The following MDGA2 variants were observed in gnomAD, a reference collection of about 807,000 sequenced individuals.
MDGA2 encodes MAM domain-containing glycosylphosphatidylinositol anchor protein 2.
In MDGA2, 40 loss-of-function variants were observed where a neutral mutation model predicts 117.8. The observed-to-expected ratio is 0.34, with a 90% CI of 0.26 to 0.44. MDGA2 has a LOEUF of 0.44. Ranked by LOEUF, MDGA2 falls within the 20% of genes least tolerant of loss-of-function variation. The probability of loss-of-function intolerance (pLI) is 1.00; values close to 1 mark genes in which losing one functional copy is unlikely to be tolerated. For missense variants in MDGA2, 1,123 were observed against 1,250.6 expected, an observed-to-expected ratio of 0.90 and a Z score of 1.54; for synonymous variants, 452 against 439.0, an observed-to-expected ratio of 1.03 and a Z score of -0.37.
At chr14:46,873,321 G>T in intron 14 of MDGA2, 112 bp downstream of exon 14, 1 of 917,034 alleles carries the variant, frequency 1.1e-6, no homozygotes, top group Non-Finnish European at 1.5e-6. Flanking sequence ...CATTTAAAAA[G>T]TGAATTATAG....
chr14:47,191,437 T>C (rs1282385124), intron 3 of MDGA2, among the ~76,000 whole-genome samples: 1 of 147,142 alleles, frequency 6.8e-6, no homozygotes, highest in African/African-American at 2.5e-5. Flanking sequence ...TATATATATA[T>C]GAAAATTCTA....
intron 8 of MDGA2, among the ~76,000 whole-genome samples, chr14:46,984,473 T>C (rs961469764): frequency 1.3e-5 from 2 of 151,992 alleles, no homozygotes; most frequent in Non-Finnish European, 2.9e-5. Context: ...AATTAGAAAA[T>C]AGATGCTTTC....
At chr14:46,848,757 G>A (rs2933210) in intron 15 of MDGA2, among the ~76,000 whole-genome samples, 151,797 of 152,010 alleles carry the variant, frequency 1, 75,792 homozygotes, top group Middle Eastern at 1. Flanking sequence ...ATCAGGAAGC[G>A]GATTGACTAA....
rs1306048026 is a variant in MDGA2, at chr14:46,903,087, G to A, written c.2238+16925C>T. ...TGCTGTGGCCTGTTATTCAATCTGTGAGGTGGGAGCGCTGGCAGGAATCCT... is the reference window on the plus strand; with the variant it reads ...TGCTGTGGCCTGTTATTCAATCTGTAAGGTGGGAGCGCTGGCAGGAATCCT... On this transcript the variant is annotated intron_variant, in intron 10 of 16. Coordinates refer to ENST00000399232, the MANE Select transcript of MDGA2 (RefSeq NM_001113498.3). Among the ~76,000 whole-genome samples, 4 of 152,198 alleles carry A rather than the reference G, an allele frequency of 2.6e-5. 1 individual carries two copies. The highest frequency in any genetic ancestry group is 2.6e-4 in the Admixed American group (4 of 15,274).
At chr14:47,229,606 T>C (rs1886620653) in intron 2 of MDGA2, among the ~76,000 whole-genome samples, 4 of 151,230 alleles carry the variant, frequency 2.6e-5, no homozygotes, top group Non-Finnish European at 5.9e-5. Flanking sequence ...TAAAAGTAAC[T>C]AAAGAAATAA....
intron 9 of MDGA2, among the ~76,000 whole-genome samples, chr14:46,943,221 G>C (rs970529441): frequency 6.6e-6 from 1 of 151,924 alleles, no homozygotes; most frequent in African/African-American, 2.4e-5. Context: ...TTTTATGTCT[G>C]CTGTTTGAAT....
At chr14:47,176,014 A>G (rs1452160796) in intron 3 of MDGA2, among the ~76,000 whole-genome samples, 2 of 152,208 alleles carry the variant, frequency 1.3e-5, no homozygotes, top group Non-Finnish European at 1.5e-5. Flanking sequence ...TAACAGATGA[A>G]CAGAGAGCCA....
chr14:47,203,231 C>T (rs970011851), intron 3 of MDGA2, among the ~76,000 whole-genome samples: 1 of 151,786 alleles, frequency 6.6e-6, no homozygotes, highest in Non-Finnish European at 1.5e-5. Context: ...TTTAAAAATA[C>T]ATTTATAGGT....
At chr14:47,643,976 G>T (rs1427724923) in intron 1 of MDGA2, among the ~76,000 whole-genome samples, 1 of 152,130 alleles carries the variant, frequency 6.6e-6, no homozygotes, top group South Asian at 2.1e-4. Flanking sequence ...ACATTAAAAG[G>T]TCATTCAGTG....
chr14:46,883,040 A>G (rs552088205), intron 10 of MDGA2, among the ~76,000 whole-genome samples: 2 of 152,216 alleles, frequency 1.3e-5, no homozygotes, highest in Admixed American at 6.6e-5. Flanking sequence ...CACAGTTATC[A>G]AAATGTTCAG....
intron 1 of MDGA2, among the ~76,000 whole-genome samples, chr14:47,627,736 C>T (rs1345345532): frequency 4.6e-5 from 7 of 152,104 alleles, no homozygotes; most frequent in African/African-American, 9.7e-5. Context: ...GCTGGGGTCC[C>T]CTTCCACATT....
Position 47,111,819 on chromosome 14 carries a change from T to C in MDGA2, c.926-14696A>G, listed in dbSNP as rs542686882. Among the ~76,000 whole-genome samples, 19 of 152,204 alleles carry C rather than the reference T, an allele frequency of 1.2e-4. No homozygotes were observed. The South Asian group carries it at 3.7e-3, about 30-fold the overall frequency. On this transcript the variant is annotated intron_variant, in intron 5 of 16. Transcript: ENST00000399232. Reference sequence around the variant, plus strand: ...CAGTAAATGGGGTCACAAAGTACAATATTAACCTATCTTCCATATGTTTCA... The same window carrying C: ...CAGTAAATGGGGTCACAAAGTACAACATTAACCTATCTTCCATATGTTTCA...
rs184481883 is a variant in MDGA2 at position 46,898,845 on chromosome 14, T to C, written c.2239-16624A>G. 2.3e-4 allele frequency among the ~76,000 whole-genome samples: 35 copies of C among 152,214 alleles called. 1 individual carries two copies. Among genetic ancestry groups the C allele is most frequent in the East Asian group, 1.7e-3 (9 of 5,186 alleles). Reference sequence around the variant, plus strand: ...GTGTCAATCTTTTTAATCATATAGATGGCATCAACAAAAATAATGAAACAG... The same window carrying C: ...GTGTCAATCTTTTTAATCATATAGACGGCATCAACAAAAATAATGAAACAG... On this transcript the variant is annotated intron_variant, in intron 10 of 16. Coordinates refer to ENST00000399232, the MANE Select transcript of MDGA2 (RefSeq NM_001113498.3).
chr14:47,506,254 A>C (rs1894509557), intron 1 of MDGA2, among the ~76,000 whole-genome samples: 1 of 152,186 alleles, frequency 6.6e-6, no homozygotes, highest in Admixed American at 6.5e-5. Flanking sequence ...CTGACACATA[A>C]GATAAAATAA....
chr14:46,946,526 G>T (rs1885176890), intron 9 of MDGA2, among the ~76,000 whole-genome samples: 1 of 152,056 alleles, frequency 6.6e-6, no homozygotes, highest in Non-Finnish European at 1.5e-5. Flanking sequence ...AGGAATAAGT[G>T]CTTGTTAAGA....
chr14:47,015,077 A>G (rs904571442), intron 8 of MDGA2, among the ~76,000 whole-genome samples: 1 of 152,150 alleles, frequency 6.6e-6, no homozygotes. Context: ...AGGGAGACCC[A>G]AGGAGGAGAG....
At chr14:47,103,766 T>C (rs141140220) in intron 5 of MDGA2, among the ~76,000 whole-genome samples, 31 of 152,226 alleles carry the variant, frequency 2.0e-4, no homozygotes, top group African/African-American at 7.5e-4. Context: ...TAGATGGGCT[T>C]TGTTTGCCTG....
intron 1 of MDGA2, among the ~76,000 whole-genome samples, chr14:47,571,512 C>A (rs1896019269): frequency 6.6e-6 from 1 of 152,122 alleles, no homozygotes; most frequent in Non-Finnish European, 1.5e-5. Context: ...CCCAAATGTC[C>A]ATTAATGATA....
chr14:47,474,662 A>G (rs1762754937), intron 1 of MDGA2, among the ~76,000 whole-genome samples: 1 of 152,152 alleles, frequency 6.6e-6, no homozygotes, highest in Middle Eastern at 3.2e-3. Flanking sequence ...AACAGAATAG[A>G]GTACTCAGAA....
Sources: allele counts gnomAD v4.1 joint callset (sites outside exome capture counted in the v4.1 genomes callset), GRCh38; gene constraint gnomAD v4.1.1; transcripts MANE v1.5; gene names NCBI Gene and HGNC (gene_info 2026-07-23, HGNC 2026-07-21).